MDGA2: variants seen among roughly 807,000 people sequenced by gnomAD.
MDGA2 encodes the protein MAM domain-containing glycosylphosphatidylinositol anchor protein 2.
MDGA2 carries 40 observed loss-of-function variants against 117.8 expected under a neutral mutation model. That is an observed-to-expected ratio of 0.34 (90% confidence interval 0.26 to 0.44). The LOEUF is 0.44. Ranked by LOEUF, MDGA2 falls within the 20% of genes least tolerant of loss-of-function variation. The pLI is 1.00. For synonymous variants in MDGA2, 452 were observed against 439.0 expected (o/e 1.03, Z -0.37); for missense variants, 1,123 against 1,250.6 (o/e 0.90, Z 1.54).
chr14:47,442,570 A>T (rs1025478872), intron 1 of MDGA2, among the ~76,000 whole-genome samples: 1 of 152,064 alleles, frequency 6.6e-6, no homozygotes, highest in African/African-American at 2.4e-5. Context: ...CAATGATTCT[A>T]CCTTATAGGT....
At chr14:47,087,460 C>CA (rs749371957) in intron 6 of MDGA2, among the ~76,000 whole-genome samples, 3,073 of 67,680 alleles carry the variant, frequency 0.045, 163 homozygotes, top group African/African-American at 0.087. Flanking sequence ...GACTCCACAT[C>CA]AAAAAAAAAA....
chr14:47,053,442 C>A (rs1461662932), intron 7 of MDGA2, among the ~76,000 whole-genome samples: 1 of 151,580 alleles, frequency 6.6e-6, no homozygotes, highest in Admixed American at 6.6e-5. Flanking sequence ...AACCTTCTCA[C>A]AAACATACAT....
chr14:46,872,979 A>G (rs1337267470), intron 14 of MDGA2, among the ~76,000 whole-genome samples: 1 of 141,178 alleles, frequency 7.1e-6, no homozygotes, highest in African/African-American at 2.6e-5. Context: ...TGTGTTTGGC[A>G]TACTTTAAAA....
intron 3 of MDGA2, among the ~76,000 whole-genome samples, chr14:47,200,167 A>T (rs1342429525): frequency 6.6e-6 from 1 of 152,018 alleles, no homozygotes; most frequent in Non-Finnish European, 1.5e-5. Context: ...TATAGTAATA[A>T]GGATGACCAA....
rs962778728 is a variant in MDGA2 at position 47,674,792 on chromosome 14, C to T, written c.5G>A (p.Ser2Asn). The T allele has an allele frequency of 7.3e-6, 5 of 681,586 alleles. No individual in the cohort carries two copies. In the African/African-American group the frequency reaches 9.0e-5, roughly 12 times the overall value. 42.2% of individuals were successfully genotyped at this position (681,586 alleles called of 1,614,324 possible). M[S>N]VWSAGLLRSA... ...GCGCAGGAGCCCCGCACTCCACACA[C>T]TCATGCACACACACACTCACACACA... is the stretch of plus-strand genomic sequence containing the variant. Residue 2 changes from serine (S) to asparagine (N), a missense_variant, in exon 1 of 17, where the codon AGT (serine) becomes AAT (asparagine). Ser to Asn is a conservative substitution (Grantham distance 46). Around this residue, in one of 2 missense-constraint regions of MDGA2, gnomAD observed 233 missense variants for 200.3 expected, o/e 1.16. Coordinates refer to ENST00000399232, the MANE Select transcript of MDGA2 (RefSeq NM_001113498.3).
intron 5 of MDGA2, among the ~76,000 whole-genome samples, chr14:47,105,606 A>G (rs910667514): frequency 2.3e-4 from 35 of 151,954 alleles, no homozygotes; most frequent in Non-Finnish European, 4.4e-4. Flanking sequence ...TGGCACTTTG[A>G]ATTTTTCCAT....
chr14:47,497,105 G>A (rs1390492859), intron 1 of MDGA2, among the ~76,000 whole-genome samples: 1 of 152,126 alleles, frequency 6.6e-6, no homozygotes, highest in African/African-American at 2.4e-5. Flanking sequence ...ATGGACTGGT[G>A]CCAGTCTGTG....
intron 1 of MDGA2, among the ~76,000 whole-genome samples, chr14:47,309,141 T>G (rs1443342872): frequency 6.6e-6 from 1 of 152,190 alleles, no homozygotes; most frequent in African/African-American, 2.4e-5. Context: ...AAAATCTTTC[T>G]GTAATTGTCA....
At chr14:47,168,913 T>A (rs1482529521) in intron 3 of MDGA2, among the ~76,000 whole-genome samples, 1 of 152,100 alleles carries the variant, frequency 6.6e-6, no homozygotes, top group African/African-American at 2.4e-5. Context: ...CTTAGCAACA[T>A]TTAGATCTGA....
chr14:47,504,864 A>G (rs1894478511), intron 1 of MDGA2, among the ~76,000 whole-genome samples: 1 of 152,166 alleles, frequency 6.6e-6, no homozygotes, highest in Non-Finnish European at 1.5e-5. Context: ...AAAGTAAATG[A>G]AATCAACATG....
At position 47,554,512 on chromosome 14, in the gene MDGA2, A is replaced by G. The variant is rs576897329; in HGVS notation, c.280+120005T>C. Among the ~76,000 whole-genome samples the G allele has an allele frequency of 3.9e-5, 6 of 152,280 alleles. No individual in the cohort carries two copies. In the East Asian group the frequency reaches 1.2e-3, roughly 29 times the overall value. Reference sequence around the variant, plus strand: ...GAAGTTGGTAATAATTCTTGGGAAAATTTCCAAAGAACAGGGTAATTTTAT... The same window carrying G: ...GAAGTTGGTAATAATTCTTGGGAAAGTTTCCAAAGAACAGGGTAATTTTAT... On this transcript the variant is annotated intron_variant, in intron 1 of 16. Coordinates refer to ENST00000399232, the MANE Select transcript of MDGA2 (RefSeq NM_001113498.3).
chr14:47,461,633 T>C lies in MDGA2; in HGVS notation c.281-160083A>G, dbSNP rs1021711205. ...CAAGCCCCAAGAATACCTGTAAAGA[T>C]TGTGGATTACAGAGTGAACCATAAG... On this transcript the variant is annotated intron_variant, in intron 1 of 16. Transcript: ENST00000399232. Among the ~76,000 whole-genome samples the C allele has an allele frequency of 4.6e-5, 7 of 152,076 alleles. No homozygotes were observed. The South Asian group carries it at 1.0e-3, about 23-fold the overall frequency.
chr14:47,344,307 C>T (rs1296431883), intron 1 of MDGA2, among the ~76,000 whole-genome samples: 1 of 152,132 alleles, frequency 6.6e-6, no homozygotes. Flanking sequence ...GTGGGGCCTA[C>T]TGACATTCCT....
At chr14:46,959,257 G>A (rs1236064419) in intron 8 of MDGA2, among the ~76,000 whole-genome samples, 1,132 of 15,762 alleles carry the variant, frequency 0.072, 16 homozygotes, top group African/African-American at 0.31. Context: ...ATATATGTGT[G>A]TGTGTGTGTG....
chr14:47,552,670 T>C (rs1248990657), intron 1 of MDGA2, among the ~76,000 whole-genome samples: 1 of 151,948 alleles, frequency 6.6e-6, no homozygotes, highest in Non-Finnish European at 1.5e-5. Context: ...AAAAAAAAAA[T>C]GTAAGAGAAA....
chr14:47,353,443 T>C (rs568939141), intron 1 of MDGA2, among the ~76,000 whole-genome samples: 1 of 152,318 alleles, frequency 6.6e-6, no homozygotes, highest in South Asian at 2.1e-4. Context: ...CAGTAAGTCA[T>C]GTGTTACAAG....
chr14:47,463,684 A>C (rs1433417757), intron 1 of MDGA2, among the ~76,000 whole-genome samples: 1 of 152,208 alleles, frequency 6.6e-6, no homozygotes, highest in Non-Finnish European at 1.5e-5. Flanking sequence ...ACTTCTGGGA[A>C]CAGGGTCATA....
At chr14:47,515,405 C>T (rs1317826688) in intron 1 of MDGA2, among the ~76,000 whole-genome samples, 1 of 152,176 alleles carries the variant, frequency 6.6e-6, no homozygotes, top group African/African-American at 2.4e-5. Context: ...GCTTGTGTCG[C>T]ATGTTGACAT....
intron 8 of MDGA2, among the ~76,000 whole-genome samples, chr14:46,978,235 A>G (rs963076599): frequency 5.3e-5 from 8 of 152,016 alleles, no homozygotes; most frequent in Non-Finnish European, 1.0e-4. Context: ...TTTGTCTATT[A>G]TAACAAAGAT....
Sources: allele counts gnomAD v4.1 joint callset (sites outside exome capture counted in the v4.1 genomes callset), GRCh38; gene constraint gnomAD v4.1.1; regional missense constraint gnomAD v4.1.1; transcripts MANE v1.5; gene names NCBI Gene and HGNC (gene_info 2026-07-23, HGNC 2026-07-21).